FRYL: variants seen among roughly 807,000 people sequenced by gnomAD.
FRYL encodes FRY like transcription coactivator, also known as protein furry homolog-like.
FRYL carries 150 observed loss-of-function variants against 351.2 expected under a neutral mutation model. The ratio of observed to expected loss-of-function variants is 0.43; its 90% confidence interval spans 0.37 to 0.49. The LOEUF (loss-of-function observed/expected upper bound fraction) is 0.49, where lower values mean the gene tolerates loss of function less well. Ranked by LOEUF, FRYL falls within the 20% of genes least tolerant of loss-of-function variation. FRYL has a pLI of 0.00. For synonymous variants in FRYL, 1,153 were observed against 1,257.1 expected (o/e 0.92, Z 1.75); for missense variants, 3,036 against 3,619.3 (o/e 0.84, Z 4.13).
intron 1 of FRYL, among the ~76,000 whole-genome samples, chr4:48,738,571 C>T (rs1560336538): frequency 6.6e-6 from 1 of 151,974 alleles, no homozygotes; most frequent in Non-Finnish European, 1.5e-5. Context: ...AATCATTACT[C>T]ACTGTAACCT....
intron 47 of FRYL, among the ~76,000 whole-genome samples, chr4:48,536,973 T>C (rs537881316): frequency 2.4e-4 from 36 of 152,286 alleles, no homozygotes; most frequent in Admixed American, 2.4e-3. Flanking sequence ...ACCTGGGAAG[T>C]TATTTTATAC....
At chr4:48,526,870 T>C (rs1726351095) in intron 53 of FRYL, among the ~76,000 whole-genome samples, 1 of 152,136 alleles carries the variant, frequency 6.6e-6, no homozygotes, top group Admixed American at 6.5e-5. Flanking sequence ...AACCAGGCAT[T>C]TGAGAGAGTT....
At chr4:48,614,099 C>T (rs1425378798) in intron 7 of FRYL, among the ~76,000 whole-genome samples, 2 of 151,576 alleles carry the variant, frequency 1.3e-5, no homozygotes, top group Non-Finnish European at 2.9e-5. Context: ...ATTAAAAATA[C>T]ATAAGTTCTG....
chr4:48,595,368 T>C (rs1430356101), intron 15 of FRYL, among the ~76,000 whole-genome samples: 2 of 152,210 alleles, frequency 1.3e-5, no homozygotes, highest in Non-Finnish European at 2.9e-5. Context: ...AATTAGTAAA[T>C]GCACTAACAT....
intron 1 of FRYL, among the ~76,000 whole-genome samples, chr4:48,767,692 G>A (rs879494715): frequency 3.3e-5 from 5 of 152,142 alleles, no homozygotes; most frequent in African/African-American, 9.7e-5. Context: ...TTGGTGAAAC[G>A]GTACAAACTT....
intron 9 of FRYL, 45 bp downstream of exon 9, chr4:48,608,942 T>A (rs1340736803): frequency 8.3e-7 from 1 of 1,203,242 alleles, no homozygotes; most frequent in Admixed American, 1.7e-5. Flanking sequence ...AATGAAGCAT[T>A]CTAAAATGCA....
In FRYL at chr4:48,663,333, A is replaced by C. The variant is rs1355088319; in HGVS notation, c.-81+21340T>G. ...GAACAGCTACTTTTTAATTAAATAT[A>C]TAATTTAATTTAATTTAATTTATAT... On this transcript the variant is annotated intron_variant, in intron 3 of 63. Transcript: ENST00000358350. 5.4e-4 allele frequency among the ~76,000 whole-genome samples: 4 copies of C among 7,474 alleles called. No homozygotes were observed. In the Non-Finnish European group the frequency reaches 7.9e-3, roughly 15 times the overall value. 4.9% of individuals were successfully genotyped at this position (7,474 alleles called of 152,430 possible).
At chr4:48,510,036 G>T in intron 59 of FRYL, 23 bp downstream of exon 59, 2 of 1,549,006 alleles carry the variant, frequency 1.3e-6, no homozygotes, top group Non-Finnish European at 1.8e-6. Context: ...ACCACTTTTC[G>T]CACATGGTAA....
chr4:48,636,115 A>G (rs750858665), intron 3 of FRYL, among the ~76,000 whole-genome samples: 4 of 152,292 alleles, frequency 2.6e-5, no homozygotes, highest in Non-Finnish European at 4.4e-5. Flanking sequence ...CGAAAATTAT[A>G]TAACTCAAAA....
rs1291338935 is a variant in FRYL at position 48,722,049 on chromosome 4, T to C, written c.-383-11351A>G. Among the ~76,000 whole-genome samples, 5 of 152,196 alleles carry C rather than the reference T, an allele frequency of 3.3e-5. No homozygotes were observed. In the South Asian group the frequency reaches 6.2e-4, roughly 19 times the overall value. Reference sequence around the variant, plus strand: ...TTGGAGTGGGAAGTTGGGTAAAGCGTAGAAGATAAAATTCCTTGGTCTCCA... The same window carrying C: ...TTGGAGTGGGAAGTTGGGTAAAGCGCAGAAGATAAAATTCCTTGGTCTCCA... On this transcript the variant is annotated intron_variant, in intron 1 of 63. Transcript: ENST00000358350.
intron 1 of FRYL, among the ~76,000 whole-genome samples, chr4:48,770,732 C>T (rs565066917): frequency 1.3e-5 from 2 of 152,024 alleles, no homozygotes; most frequent in Admixed American, 6.6e-5. Flanking sequence ...CCACCACGCC[C>T]GGGTTAATGT....
chr4:48,748,773 A>C (rs1266719084), intron 1 of FRYL, among the ~76,000 whole-genome samples: 1 of 152,244 alleles, frequency 6.6e-6, no homozygotes, highest in East Asian at 1.9e-4. Flanking sequence ...ACAATAAACA[A>C]GATATTATAG....
intron 26 of FRYL, 63 bp from the exon 27 acceptor site, chr4:48,570,981 T>C: frequency 7.6e-7 from 1 of 1,311,412 alleles, no homozygotes; most frequent in Non-Finnish European, 1.1e-6. Flanking sequence ...AAGAATAATG[T>C]GACTGCCTCA....
intron 13 of FRYL, among the ~76,000 whole-genome samples, chr4:48,600,917 C>A (rs947416856): frequency 6.6e-6 from 1 of 152,108 alleles, no homozygotes; most frequent in Non-Finnish European, 1.5e-5. Flanking sequence ...CATATAAATT[C>A]TCATCCAAAC....
At chr4:48,764,196 T>A (rs1161992410) in intron 1 of FRYL, among the ~76,000 whole-genome samples, 1 of 151,790 alleles carries the variant, frequency 6.6e-6, no homozygotes, top group East Asian at 1.9e-4. Context: ...ATAAATAAAT[T>A]AAATTCAGTT....
intron 2 of FRYL, 29 bp from the exon 3 acceptor site, chr4:48,684,824 T>G (rs1764989943): frequency 6.6e-6 from 1 of 152,236 alleles, no homozygotes; most frequent in Non-Finnish European, 1.5e-5. Context: ...CATTTACACG[T>G]TAGGTGCGTT....
intron 7 of FRYL, chr4:48,618,276 T>G (rs1280483809): frequency 6.6e-6 from 1 of 152,216 alleles, no homozygotes; most frequent in East Asian, 1.9e-4. Context: ...ATTTGCAGAT[T>G]TCAGAGTACC....
intron 34 of FRYL, 76 bp from the exon 35 acceptor site, chr4:48,557,194 TA>T (rs543942181): frequency 6.2e-5 from 93 of 1,498,188 alleles, no homozygotes; most frequent in Admixed American, 7.9e-5. Flanking sequence ...TACCATGAAA[TA>T]TTAAAAAATG....
rs780732528 is a variant in FRYL, at chr4:48,510,893, G to A, written c.8237C>T (p.Ser2746Phe). ...TGAACACAGCATCATCACTTCCAAG[G>A]AACTTTTAAATTTGGTACCAATGCG... ...LQRIGTKFKS[S>F]LEVMMLCSEC... Residue 2746 changes from serine to phenylalanine, a missense_variant, in exon 58 of 64, where the codon TCC becomes TTC. Physicochemically the swap from Ser to Phe is radical, Grantham distance 155. This residue lies in a region of FRYL where 1,987 missense variants were observed against 2,311.7 expected (regional missense o/e 0.86). Transcript: ENST00000358350. The A allele has an allele frequency of 6.2e-7, 1 of 1,612,806 alleles. No individual in the cohort carries two copies. The highest frequency in any genetic ancestry group is 1.3e-5 in the African/African-American group (1 of 74,804).
Sources: allele counts gnomAD v4.1 joint callset (sites outside exome capture counted in the v4.1 genomes callset), GRCh38; gene constraint gnomAD v4.1.1; regional missense constraint gnomAD v4.1.1; transcripts MANE v1.5; gene names NCBI Gene and HGNC (gene_info 2026-07-23, HGNC 2026-07-21).